The following RBM47 variants were observed in gnomAD, a reference collection of about 807,000 sequenced individuals.
RBM47 encodes the protein RNA binding motif protein 47.
A neutral mutation model predicts 47.1 loss-of-function variants in RBM47; 21 were observed. The observed-to-expected ratio is 0.45, with a 90% CI of 0.32 to 0.64. The LOEUF is 0.64. Among genes scored for constraint, RBM47 ranks in the 30% least tolerant of loss-of-function variants. The pLI is 0.05. For synonymous variants in RBM47, 375 were observed against 361.7 expected (o/e 1.04, Z -0.42); for missense variants, 708 against 870.9 (o/e 0.81, Z 2.35).
At position 40,592,971 on chromosome 4, in the gene RBM47, ATATATATATTTTTTTTTTTT is replaced by A. The variant is rs1734359578; in HGVS notation, c.-240+36405_-240+36424del. Reference sequence around the variant, plus strand: ...TATATATATATATATATATATATATATATATATATTTTTTTTTTTTTTTTTTTTTTTTTTTTTTTTTTGAG... The same window carrying A: ...TATATATATATATATATATATATATATTTTTTTTTTTTTTTTTTTTTTGAG... On this transcript the variant is annotated intron_variant, in intron 1 of 6. Coordinates refer to ENST00000295971, the MANE Select transcript of RBM47 (RefSeq NM_001098634.2). Among the ~76,000 whole-genome samples, 3 of 22,808 alleles carry A rather than the reference ATATATATATTTTTTTTTTTT, an allele frequency of 1.3e-4. No homozygotes were observed. The South Asian group carries it at 6.7e-3, about 51-fold the overall frequency. The allele number at this position is 22,808 out of a possible 152,430, so 15.0% of individuals were successfully genotyped here.
In RBM47 at chr4:40,423,931, A is replaced by G. The variant is rs1288958758; in HGVS notation, c.*1973T>C. On this transcript the variant is annotated 3_prime_UTR_variant, in exon 7 of 7. Coordinates refer to ENST00000295971, the MANE Select transcript of RBM47 (RefSeq NM_001098634.2). ...ACTCATTCCCACAGATTTGAGTTTG[A>G]ATGCAGCTTGTGGGGTACATCATCA... The G allele has an allele frequency of 6.6e-6, 1 of 152,484 alleles. No individual in the cohort carries two copies. Among genetic ancestry groups the G allele is most frequent in the African/African-American group, 2.4e-5 (1 of 41,394 alleles). 9.4% of individuals were successfully genotyped at this position (152,484 alleles called of 1,614,324 possible).
chr4:40,593,059 G>A (rs1165201779), intron 1 of RBM47, among the ~76,000 whole-genome samples: 1 of 121,778 alleles, frequency 8.2e-6, no homozygotes, highest in Non-Finnish European at 1.6e-5. Context: ...CCGGTGGCGC[G>A]ATTTTGGCTC....
intron 1 of RBM47, among the ~76,000 whole-genome samples, chr4:40,560,898 G>A (rs1004937920): frequency 2.0e-5 from 3 of 151,908 alleles, no homozygotes; most frequent in African/African-American, 7.3e-5. Flanking sequence ...CACAGAAGTG[G>A]AGGTTGCAGT....
At chr4:40,537,579 C>A in intron 2 of RBM47, among the ~76,000 whole-genome samples, 1 of 150,428 alleles carries the variant, frequency 6.6e-6, no homozygotes, top group Admixed American at 6.6e-5. Flanking sequence ...TGTAGAGACA[C>A]GATCTCACTG....
chr4:40,602,368 G>A (rs561355430), intron 1 of RBM47, among the ~76,000 whole-genome samples: 73 of 152,082 alleles, frequency 4.8e-4, no homozygotes, highest in Admixed American at 1.2e-3. Flanking sequence ...GTAGAATATC[G>A]GCCGGGCGCG....
At chr4:40,573,839 A>AAGAAAGAAAGAAAGAAAG (rs1436636301) in intron 1 of RBM47, among the ~76,000 whole-genome samples, 1 of 150,292 alleles carries the variant, frequency 6.7e-6, no homozygotes, top group Non-Finnish European at 1.5e-5. Flanking sequence ...AAGAAAGAGA[A>AAGAAAGAAAGAAAGAAAG]AGAAAGAAAG....
At chr4:40,611,575 A>T (rs1267689472) in intron 1 of RBM47, among the ~76,000 whole-genome samples, 2 of 152,176 alleles carry the variant, frequency 1.3e-5, no homozygotes, top group African/African-American at 4.8e-5. Context: ...ACAAAAAAAA[A>T]AAAATTAGCT....
chr4:40,459,743 CTTCT>C (rs1416879026), intron 3 of RBM47, among the ~76,000 whole-genome samples: 1 of 151,982 alleles, frequency 6.6e-6, no homozygotes, highest in Admixed American at 6.6e-5. Context: ...TTCTTTCTTT[CTTCT>C]TTCTTTTTTT....
chr4:40,562,833 T>C (rs1445736310), intron 1 of RBM47, among the ~76,000 whole-genome samples: 4 of 152,208 alleles, frequency 2.6e-5, no homozygotes, highest in African/African-American at 9.6e-5. Context: ...TGATAATATA[T>C]AGCTGCTCAG....
intron 3 of RBM47, among the ~76,000 whole-genome samples, chr4:40,458,746 T>G (rs1344358410): frequency 6.6e-6 from 1 of 151,586 alleles, no homozygotes; most frequent in South Asian, 2.1e-4. Flanking sequence ...CCAGCTCTGG[T>G]GATAATTGTT....
rs551456980 is a variant in RBM47 at position 40,464,709 on chromosome 4, A to G, written c.-32+1868T>C. 5.3e-5 allele frequency among the ~76,000 whole-genome samples: 8 copies of G among 151,776 alleles called. No individual in the cohort carries two copies. The South Asian group carries it at 1.7e-3, about 32-fold the overall frequency. On this transcript the variant is annotated intron_variant, in intron 3 of 6. Coordinates refer to ENST00000295971, the MANE Select transcript of RBM47 (RefSeq NM_001098634.2). Reference sequence around the variant, plus strand: ...GGTCAGGAGATCGAGACCACGGTGAAACCCCGTCTCTATTAAAAATACAAA... The same window carrying G: ...GGTCAGGAGATCGAGACCACGGTGAGACCCCGTCTCTATTAAAAATACAAA...
At chr4:40,468,917 A>C (rs1264142731) in intron 2 of RBM47, among the ~76,000 whole-genome samples, 1 of 152,258 alleles carries the variant, frequency 6.6e-6, no homozygotes, top group Non-Finnish European at 1.5e-5. Context: ...GAATGTACAA[A>C]GTACAAGAAG....
chr4:40,512,803 T>C (rs1577853416), intron 2 of RBM47, among the ~76,000 whole-genome samples: 1 of 151,990 alleles, frequency 6.6e-6, no homozygotes, highest in East Asian at 1.9e-4. Flanking sequence ...ATTATTTCAC[T>C]GGTCAGGGTT....
chr4:40,526,712 G>A (rs1374679369), intron 2 of RBM47, among the ~76,000 whole-genome samples: 2 of 150,936 alleles, frequency 1.3e-5, no homozygotes, highest in East Asian at 2.0e-4. Context: ...TAGACTGCAG[G>A]TGTGCTTCAC....
intron 3 of RBM47, among the ~76,000 whole-genome samples, chr4:40,445,239 A>G (rs941215887): frequency 4.8e-5 from 7 of 144,750 alleles, no homozygotes; most frequent in African/African-American, 1.6e-4. Flanking sequence ...ACACCACTGC[A>G]CTCCAGCCTG....
Position 40,424,285 on chromosome 4 carries a change from T to C in RBM47, c.*1619A>G, listed in dbSNP as rs1396017476. The C allele has an allele frequency of 6.6e-6, 1 of 152,634 alleles. No homozygotes were observed. Among genetic ancestry groups the C allele is most frequent in the East Asian group, 1.9e-4 (1 of 5,196 alleles). 9.5% of individuals were successfully genotyped at this position (152,634 alleles called of 1,614,324 possible). A position where few individuals can be genotyped will look rare whatever the true frequency, so the allele number is the denominator to read the frequency against. On this transcript the variant is annotated 3_prime_UTR_variant, in exon 7 of 7. Coordinates refer to ENST00000295971, the MANE Select transcript of RBM47 (RefSeq NM_001098634.2). ...CAACTGCGTTTTACTTGCTACCTTA[T>C]TGCACACCTCACTTCCTTGATTGAG...
At chr4:40,519,666 T>TG (rs1307799856) in intron 2 of RBM47, among the ~76,000 whole-genome samples, 2 of 55,494 alleles carry the variant, frequency 3.6e-5, no homozygotes, top group East Asian at 7.5e-4. Context: ...CTCCTTTTTT[T>TG]TTTTTTTTTT....
intron 2 of RBM47, among the ~76,000 whole-genome samples, 198 bp from the exon 3 acceptor site, chr4:40,466,897 A>T (rs1335897672): frequency 6.6e-6 from 1 of 151,998 alleles, no homozygotes; most frequent in East Asian, 1.9e-4. Context: ...ACCAAGTGCA[A>T]CTGCTTATCT....
intron 2 of RBM47, among the ~76,000 whole-genome samples, chr4:40,541,400 G>C (rs781300011): frequency 1.1e-4 from 17 of 152,118 alleles, no homozygotes; most frequent in Non-Finnish European, 4.4e-5. Flanking sequence ...CGTCAGTTCA[G>C]TAACTGGCCA....
Sources: allele counts gnomAD v4.1 joint callset (sites outside exome capture counted in the v4.1 genomes callset), GRCh38; gene constraint gnomAD v4.1.1; transcripts MANE v1.5; gene names NCBI Gene and HGNC (gene_info 2026-07-23, HGNC 2026-07-21).